SPIDR: variants seen among roughly 807,000 people sequenced by gnomAD.
SPIDR encodes the protein scaffold protein involved in DNA repair.
A neutral mutation model predicts 104.6 loss-of-function variants in SPIDR; 93 were observed. The observed-to-expected ratio is 0.89, with a 90% CI of 0.75 to 1.06. SPIDR has a LOEUF of 1.06. SPIDR is among the 50% of genes least tolerant of loss of function. The pLI is 0.00. For missense variants in SPIDR, 1,154 were observed against 1,111.2 expected, an observed-to-expected ratio of 1.04 and a Z score of -0.55; for synonymous variants, 431 against 416.9, an observed-to-expected ratio of 1.03 and a Z score of -0.41.
chr8:47,455,504 A>G (rs1341942187), intron 8 of SPIDR, among the ~76,000 whole-genome samples: 1 of 152,168 alleles, frequency 6.6e-6, no homozygotes, highest in African/African-American at 2.4e-5. Context: ...TATAAGGCAT[A>G]AGGAAAAAGT....
At chr8:47,725,607 G>T (rs1028313241) in intron 16 of SPIDR, among the ~76,000 whole-genome samples, 2 of 152,166 alleles carry the variant, frequency 1.3e-5, no homozygotes, top group African/African-American at 2.4e-5. Context: ...GGCCAGGATG[G>T]TCTCGATCTC....
chr8:47,280,822 GC>G (rs1476507947), intron 2 of SPIDR, among the ~76,000 whole-genome samples: 4 of 152,172 alleles, frequency 2.6e-5, no homozygotes, highest in Admixed American at 6.5e-5. Flanking sequence ...ATAGGTGTGA[GC>G]CCCCATGCCC....
At position 47,675,340 on chromosome 8, in the gene SPIDR, A is replaced by G. The variant is rs142856372; in HGVS notation, c.1685+1399A>G. On this transcript the variant is annotated intron_variant, in intron 11 of 19. Coordinates refer to ENST00000297423, the MANE Select transcript of SPIDR (RefSeq NM_001080394.4). ...CGTGAGCTACCACGCCCGGCCAGCTATGTTTTATAATAAATACTTCCTCTT... is the reference window on the plus strand; with the variant it reads ...CGTGAGCTACCACGCCCGGCCAGCTGTGTTTTATAATAAATACTTCCTCTT... Among the ~76,000 whole-genome samples, 422 of 152,236 alleles carry G rather than the reference A, an allele frequency of 2.8e-3. 2 individuals are homozygous for G. Among genetic ancestry groups the G allele is most frequent in the East Asian group, 0.016 (85 of 5,160 alleles).
chr8:47,371,957 T>C (rs782233499), intron 5 of SPIDR, among the ~76,000 whole-genome samples: 12 of 152,144 alleles, frequency 7.9e-5, no homozygotes, highest in Non-Finnish European at 1.8e-4. Flanking sequence ...ACTATTCAAG[T>C]GTTCATTCCT....
rs959370009 is a variant in SPIDR, at chr8:47,466,848, T to A, written c.1097+26306T>A. 3.2e-5 allele frequency among the ~76,000 whole-genome samples: 4 copies of A among 126,350 alleles called. No homozygotes were observed. In the Admixed American group the frequency reaches 3.3e-4, roughly 10 times the overall value. The allele number at this position is 126,350 out of a possible 152,430, so 82.9% of individuals were successfully genotyped here. On this transcript the variant is annotated intron_variant, in intron 8 of 19. Transcript: ENST00000297423. ...AGCTGGACTGAAGGTAATCAAGACA[T>A]GAAAAACCTTTCAAAAGATCTAGGA...
At chr8:47,512,543 A>G (rs753877912) in intron 8 of SPIDR, among the ~76,000 whole-genome samples, 3 of 152,194 alleles carry the variant, frequency 2.0e-5, no homozygotes, top group Non-Finnish European at 4.4e-5. Context: ...GATTTAGTGC[A>G]GGCCTCAGCT....
intron 19 of SPIDR, chr8:47,732,809 G>C (rs1389572067): frequency 1.3e-5 from 2 of 152,496 alleles, no homozygotes; most frequent in African/African-American, 4.8e-5. Flanking sequence ...TAAGATACTT[G>C]AGTGTTAAGT....
At chr8:47,591,426 C>CTATTTATTTATT (rs151285704) in intron 8 of SPIDR, among the ~76,000 whole-genome samples, 1 of 149,516 alleles carries the variant, frequency 6.7e-6, no homozygotes, top group Non-Finnish European at 1.5e-5. Context: ...CTTTCCCTCC[C>CTATTTATTTATT]TATTTATTTA....
chr8:47,510,760 A>G (rs999145216), intron 8 of SPIDR, among the ~76,000 whole-genome samples: 4 of 152,196 alleles, frequency 2.6e-5, no homozygotes, highest in South Asian at 2.1e-4. Context: ...TTCTATGTCT[A>G]TATAATATTT....
At chr8:47,304,179 T>C in intron 5 of SPIDR, among the ~76,000 whole-genome samples, 1 of 152,222 alleles carries the variant, frequency 6.6e-6, no homozygotes, top group African/African-American at 2.4e-5. Context: ...AGTATTAAAA[T>C]AGGGGACTAA....
chr8:47,715,959 T>C (rs1204815467), intron 16 of SPIDR, among the ~76,000 whole-genome samples: 2 of 150,658 alleles, frequency 1.3e-5, no homozygotes, highest in Admixed American at 1.3e-4. Flanking sequence ...GCCTCTCTCT[T>C]TTTTCTTTTT....
At chr8:47,474,197 G>A (rs1264409424) in intron 8 of SPIDR, among the ~76,000 whole-genome samples, 1 of 152,118 alleles carries the variant, frequency 6.6e-6, no homozygotes, top group African/African-American at 2.4e-5. Flanking sequence ...CTAAGTGGAG[G>A]TCCTGTCTTT....
chr8:47,314,111 C>T (rs782202689), intron 5 of SPIDR, among the ~76,000 whole-genome samples: 1 of 152,110 alleles, frequency 6.6e-6, no homozygotes, highest in Non-Finnish European at 1.5e-5. Flanking sequence ...TATATGACTG[C>T]TGTGTATAAA....
intron 8 of SPIDR, among the ~76,000 whole-genome samples, chr8:47,495,200 A>G (rs1349076078): frequency 6.6e-6 from 1 of 152,038 alleles, no homozygotes; most frequent in Admixed American, 6.6e-5. Context: ...CATAGTGCAC[A>G]TGTCCAGGAA....
chr8:47,419,877 C>T (rs572817720), intron 7 of SPIDR, among the ~76,000 whole-genome samples: 41 of 152,184 alleles, frequency 2.7e-4, no homozygotes, highest in African/African-American at 9.4e-4. Context: ...TCGTTATGTA[C>T]CCAGTAGTCA....
At chr8:47,636,563 G>A (rs1224530245) in intron 10 of SPIDR, among the ~76,000 whole-genome samples, 1 of 152,178 alleles carries the variant, frequency 6.6e-6, no homozygotes, top group East Asian at 1.9e-4. Context: ...GCTCATGCCT[G>A]TAATCCCAGC....
intron 5 of SPIDR, among the ~76,000 whole-genome samples, chr8:47,357,661 T>C (rs1304127610): frequency 1.3e-5 from 2 of 152,234 alleles, no homozygotes; most frequent in Non-Finnish European, 1.5e-5. Context: ...TTCAATTGAA[T>C]TGAACTTCTA....
At chr8:47,473,947 G>T (rs1339121899) in intron 8 of SPIDR, among the ~76,000 whole-genome samples, 1 of 152,154 alleles carries the variant, frequency 6.6e-6, no homozygotes, top group Non-Finnish European at 1.5e-5. Flanking sequence ...AGGCCAGAGG[G>T]CTTACAGTAG....
intron 7 of SPIDR, among the ~76,000 whole-genome samples, chr8:47,430,217 T>C (rs1554688075): frequency 1.3e-5 from 2 of 152,200 alleles, no homozygotes; most frequent in East Asian, 3.9e-4. Context: ...CTTAAGCTAA[T>C]TTCTCTTCTC....
Sources: allele counts gnomAD v4.1 joint callset (sites outside exome capture counted in the v4.1 genomes callset), GRCh38; gene constraint gnomAD v4.1.1; transcripts MANE v1.5; gene names NCBI Gene and HGNC (gene_info 2026-07-23, HGNC 2026-07-21).